Variants in ADCY3 observed in about 807,000 individuals in gnomAD.
ADCY3 encodes the protein adenylate cyclase type 3.
ADCY3 carries 70 observed loss-of-function variants against 119.4 expected under a neutral mutation model. That is an observed-to-expected ratio of 0.59 (90% CI 0.48 to 0.72). The LOEUF is 0.72. Ranked by LOEUF, ADCY3 falls within the 30% of genes least tolerant of loss-of-function variation. The pLI, the probability that ADCY3 is intolerant of heterozygous loss-of-function variation, is 0.00. For missense variants in ADCY3, 1,238 were observed against 1,541.6 expected (o/e 0.80, Z 3.30); for synonymous variants, 672 against 621.4 (o/e 1.08, Z -1.21).
intron 2 of ADCY3, among the ~76,000 whole-genome samples, chr2:24,880,005 T>C (rs985062678): frequency 6.6e-6 from 1 of 152,142 alleles, no homozygotes; most frequent in Non-Finnish European, 1.5e-5. Context: ...AGATCTCCAA[T>C]AAATGCAACC....
rs527915928 is a variant in ADCY3 at position 24,820,361 on chromosome 2, C to T, written c.3253-247G>A. ...ACTTCTCTCCTAGGATGGCCATGGTCACCTGGGTGGCAGCACTGTTACCTG... is the reference window on the plus strand; with the variant it reads ...ACTTCTCTCCTAGGATGGCCATGGTTACCTGGGTGGCAGCACTGTTACCTG... On this transcript the variant is annotated intron_variant, in intron 21 of 21. Coordinates refer to ENST00000679454, the MANE Select transcript of ADCY3 (RefSeq NM_004036.5). 2.4e-4 allele frequency: 325 copies of T among 1,326,742 alleles called. 1 individual carries two copies. In the South Asian group the frequency reaches 6.2e-3, roughly 25 times the overall value. 82.2% of individuals were successfully genotyped at this position (1,326,742 alleles called of 1,614,324 possible). A position where few individuals can be genotyped will look rare whatever the true frequency, so the allele number is the denominator to read the frequency against.
chr2:24,874,250 C>T (rs1409327879), intron 2 of ADCY3, among the ~76,000 whole-genome samples: 3 of 152,174 alleles, frequency 2.0e-5, no homozygotes. Context: ...AGCAAGTCAC[C>T]GGGTGTAGAT....
At chr2:24,823,028 C>T (rs752250821) in intron 18 of ADCY3, among the ~76,000 whole-genome samples, 181 bp downstream of exon 18, 1 of 152,164 alleles carries the variant, frequency 6.6e-6, no homozygotes, top group Non-Finnish European at 1.5e-5. Context: ...TTCCCGGGCT[C>T]CCACCTCACC....
intron 3 of ADCY3, among the ~76,000 whole-genome samples, chr2:24,869,468 C>A (rs962667319): frequency 1.3e-5 from 2 of 152,132 alleles, no homozygotes; most frequent in Non-Finnish European, 2.9e-5. Flanking sequence ...TGCAGTGGCA[C>A]AATCATGGCT....
chr2:24,824,066 C>T (rs116215079), intron 17 of ADCY3, among the ~76,000 whole-genome samples: 2,851 of 152,318 alleles, frequency 0.019, 94 homozygotes, highest in African/African-American at 0.064. Context: ...ACGAGGGTAC[C>T]GTAGAGCTGG....
At chr2:24,825,630 T>G in intron 16 of ADCY3, 1 of 186,264 alleles carries the variant, frequency 5.4e-6, no homozygotes, top group South Asian at 1.0e-4. Flanking sequence ...CTCTTTTCCT[T>G]TTAACCCAAC....
Position 24,919,381 on chromosome 2 carries a change from T to G in ADCY3, c.-197-197A>C. 5.4e-6 allele frequency: 1 copy of G among 184,736 alleles called. No individual in the cohort carries two copies. Among genetic ancestry groups the G allele is most frequent in the South Asian group, 1.2e-4 (1 of 8,056 alleles). 11.4% of individuals were successfully genotyped at this position (184,736 alleles called of 1,614,324 possible). A position where few individuals can be genotyped will look rare whatever the true frequency, so the allele number is the denominator to read the frequency against. On this transcript the variant is annotated intron_variant, in intron 1 of 21. Coordinates refer to ENST00000679454, the MANE Select transcript of ADCY3 (RefSeq NM_004036.5). This position sits in a 1 kb window ranked among gnomAD's most constrained non-coding sequence, Gnocchi z 5.5. ...TCCACGCCAGACACTCAATTTCCTG[T>G]CCCTGGCTTGTGGAAGGGCCTAGCC...
intron 3 of ADCY3, among the ~76,000 whole-genome samples, chr2:24,846,924 C>A (rs918809484): frequency 5.3e-5 from 8 of 152,170 alleles, no homozygotes; most frequent in Non-Finnish European, 1.0e-4. Context: ...GGATTTGTCT[C>A]AGATGAGACT....
At chr2:24,852,983 T>A (rs1672518982) in intron 3 of ADCY3, among the ~76,000 whole-genome samples, 1 of 148,464 alleles carries the variant, frequency 6.7e-6, no homozygotes, top group African/African-American at 2.5e-5. Context: ...GAACAAGATT[T>A]GAAGGAAAGG....
At position 24,827,997 on chromosome 2, in the gene ADCY3, G is replaced by A. The variant is rs1668867084; in HGVS notation, c.2337C>T (p.Leu779=). The change falls in exon 14 of 22, where the codon CTC becomes CTT. Residue 779 remains leucine (L), a synonymous_variant. Coordinates refer to ENST00000679454, the MANE Select transcript of ADCY3 (RefSeq NM_004036.5). ...VQVSHMVKLT[L]MLLVAGAVAT... is the part of the protein sequence containing the mutation. ...CCACGGCGCCTGCGACGAGCAGCAT[G>A]AGCGTGAGCTTCACCATGTGGCTGA... 6.2e-7 allele frequency: 1 copy of A among 1,614,250 alleles called. No homozygotes were observed. The highest frequency in any genetic ancestry group is 1.1e-5 in the South Asian group (1 of 91,092).
At position 24,829,412 on chromosome 2, in the gene ADCY3, A is replaced by ATTT. The variant is rs67246369; in HGVS notation, c.2173-1254_2173-1252dup. Among the ~76,000 whole-genome samples the ATTT allele has an allele frequency of 7.1e-4, 45 of 63,790 alleles. 2 individuals are homozygous for ATTT. The highest frequency in any genetic ancestry group is 1.9e-3 in the African/African-American group (32 of 16,776). 41.8% of individuals were successfully genotyped at this position (63,790 alleles called of 152,430 possible). Reference sequence around the variant, plus strand: ...ATGTTGGTTGTATTTGTGTGCTCCAATTTTTTTTTTTTTTTTTTTTTTTTT... The same window carrying ATTT: ...ATGTTGGTTGTATTTGTGTGCTCCAATTTTTTTTTTTTTTTTTTTTTTTTTTTT... On this transcript the variant is annotated intron_variant, in intron 13 of 21. Coordinates refer to ENST00000679454, the MANE Select transcript of ADCY3 (RefSeq NM_004036.5).
intron 2 of ADCY3, among the ~76,000 whole-genome samples, chr2:24,875,125 C>T (rs1675523616): frequency 6.7e-6 from 1 of 149,422 alleles, no homozygotes; most frequent in African/African-American, 2.5e-5. Flanking sequence ...GCAAGGTTGT[C>T]CATCCCTACC....
chr2:24,860,441 T>C (rs7576788), intron 3 of ADCY3, among the ~76,000 whole-genome samples: 72,464 of 152,122 alleles, frequency 0.48, 17,908 homozygotes, highest in African/African-American at 0.61. Flanking sequence ...CAGATATGTG[T>C]TCGGCAGAGG....
intron 2 of ADCY3, among the ~76,000 whole-genome samples, chr2:24,892,956 A>G (rs1677857470): frequency 6.6e-6 from 1 of 151,474 alleles, no homozygotes; most frequent in African/African-American, 2.4e-5. Context: ...GAGCCACCAC[A>G]CCTGGCCTAT....
Position 24,918,436 on chromosome 2 carries a change from G to A in ADCY3, c.552C>T (p.Pro184=). The change falls in exon 2 of 22, where the codon CCC becomes CCT. Residue 184 remains proline (P), a synonymous_variant. Transcript: ENST00000679454. This position sits in a 1 kb window ranked among gnomAD's most constrained non-coding sequence, Gnocchi z 5.4. The part of the protein sequence containing the change: ...FFVFSFFITL[P]LSLSPIVIIS... ...TGATCACGATGGGGCTGAGGCTGAG[G>A]GGCAGCGTGATGAAGAAGGAGAAGA... 2 of 1,614,008 alleles carry A rather than the reference G, an allele frequency of 1.2e-6. No homozygotes were observed. Among genetic ancestry groups the A allele is most frequent in the Non-Finnish European group, 1.7e-6 (2 of 1,180,026 alleles).
intron 3 of ADCY3, among the ~76,000 whole-genome samples, chr2:24,846,907 G>A (rs1228123610): frequency 6.6e-6 from 1 of 152,146 alleles, no homozygotes; most frequent in East Asian, 1.9e-4. Context: ...AGGCTCATAG[G>A]CAGAAGGGAT....
rs1465929752 is a variant in ADCY3, at chr2:24,841,575, C to T, written c.1049G>A (p.Arg350His). The T allele has an allele frequency of 3.1e-6, 5 of 1,612,992 alleles. No individual in the cohort carries two copies. The highest frequency in any genetic ancestry group is 2.2e-5 in the East Asian group (1 of 44,882). The change falls in exon 5 of 22, where the codon CGC becomes CAC. Residue 350 changes from arginine to histidine, a missense_variant. Arg to His is a conservative substitution (Grantham distance 29). Around this residue, in one of 7 missense-constraint regions of ADCY3, gnomAD observed 283 missense variants for 437.2 expected, o/e 0.65. Coordinates refer to ENST00000679454, the MANE Select transcript of ADCY3 (RefSeq NM_004036.5). The surrounding 1 kb of genome is among the most constrained non-coding windows in gnomAD (Gnocchi z 5.8). ...LVKLLNELFA[R>H]FDKLAAKYHQ... ...ACTTACAGCTGCCAGCTTGTCAAAGCGGGCAAAGAGCTCGTTGAGCAGCTT... is the reference window on the plus strand; with the variant it reads ...ACTTACAGCTGCCAGCTTGTCAAAGTGGGCAAAGAGCTCGTTGAGCAGCTT...
In ADCY3 at chr2:24,847,681, C is replaced by G; in HGVS notation, c.826-5297G>C. ...GTGAAGTGCTGGGTGGGACAGGACC[C>G]GTCTCGGAACCTAACTAACCAGACA... is the stretch of plus-strand genomic sequence containing the variant. On this transcript the variant is annotated intron_variant, in intron 3 of 21. Coordinates refer to ENST00000679454, the MANE Select transcript of ADCY3 (RefSeq NM_004036.5). Among the ~76,000 whole-genome samples the G allele has an allele frequency of 2.0e-5, 3 of 152,312 alleles. 1 individual carries two copies. Among genetic ancestry groups the G allele is most frequent in the Admixed American group, 2.0e-4 (3 of 15,292 alleles).
In ADCY3 at chr2:24,859,304, C is replaced by T. The variant is rs577316208; in HGVS notation, c.825+13266G>A. Among the ~76,000 whole-genome samples the T allele has an allele frequency of 2.0e-5, 3 of 152,266 alleles. No individual in the cohort carries two copies. In the East Asian group the frequency reaches 5.8e-4, roughly 29 times the overall value. On this transcript the variant is annotated intron_variant, in intron 3 of 21. Coordinates refer to ENST00000679454, the MANE Select transcript of ADCY3 (RefSeq NM_004036.5). Reference sequence around the variant, plus strand: ...CGCAGAGCAGCTATGGATCCACAGGCAGAGGCACAGCCCTCCCACTCGACA... The same window carrying T: ...CGCAGAGCAGCTATGGATCCACAGGTAGAGGCACAGCCCTCCCACTCGACA...
Sources: gnomAD v4.1 joint callset for allele counts (sites outside exome capture counted in the v4.1 genomes callset) on GRCh38, gnomAD v4.1.1 for gene constraint, gnomAD v4.1.1 regional missense constraint, Gnocchi (gnomAD v3.1) non-coding constraint, MANE v1.5 for transcripts, NCBI Gene and HGNC (gene_info 2026-07-23, HGNC 2026-07-21) for gene names.